DPP6: variants seen among roughly 807,000 people sequenced by gnomAD.
DPP6 encodes the protein A-type potassium channel modulatory protein DPP6.
Under a neutral mutation model 122.6 loss-of-function variants are expected in DPP6, and 69 were observed. The observed-to-expected ratio is 0.56, with a 90% CI of 0.46 to 0.69. The LOEUF is 0.69. DPP6 is among the 30% of genes least tolerant of loss of function. The pLI is 0.00. For missense variants in DPP6, 928 were observed against 1,116.9 expected (o/e 0.83, Z 2.41); for synonymous variants, 418 against 433.1 (o/e 0.97, Z 0.43).
At chr7:154,789,268 CT>C (rs1797528953) in intron 10 of DPP6, among the ~76,000 whole-genome samples, 1 of 152,050 alleles carries the variant, frequency 6.6e-6, no homozygotes, top group Non-Finnish European at 1.5e-5. Context: ...AAGAATTTTT[CT>C]TTGACATTCT....
intron 3 of DPP6, among the ~76,000 whole-genome samples, chr7:154,487,299 C>A (rs1310842540): frequency 6.6e-6 from 1 of 152,056 alleles, no homozygotes; most frequent in African/African-American, 2.4e-5. Flanking sequence ...GGTCATTATA[C>A]GGTTGTTTCC....
chr7:154,759,756 A>G (rs2131505974), intron 8 of DPP6, among the ~76,000 whole-genome samples: 1 of 152,324 alleles, frequency 6.6e-6, no homozygotes, highest in East Asian at 1.9e-4. Context: ...TCTCCAATCC[A>G]TGGGGTTGCA....
chr7:154,685,068 A>T (rs184661735), intron 7 of DPP6, among the ~76,000 whole-genome samples: 1 of 152,196 alleles, frequency 6.6e-6, no homozygotes, highest in Non-Finnish European at 1.5e-5. Context: ...AGAACATCTC[A>T]TTGTTACACA....
chr7:154,786,473 G>A (rs915179706), intron 10 of DPP6, among the ~76,000 whole-genome samples: 4 of 152,124 alleles, frequency 2.6e-5, no homozygotes, highest in African/African-American at 9.7e-5. Flanking sequence ...CTCCCATGCT[G>A]TTCTCTTGAT....
At chr7:154,778,230 C>A (rs1279639200) in intron 10 of DPP6, among the ~76,000 whole-genome samples, 2 of 152,098 alleles carry the variant, frequency 1.3e-5, no homozygotes, top group Non-Finnish European at 2.9e-5. Context: ...ATGTCTGTTT[C>A]TCCTATTTTC....
intron 1 of DPP6, among the ~76,000 whole-genome samples, chr7:154,099,582 G>C (rs980919440): frequency 6.6e-6 from 1 of 150,644 alleles, no homozygotes; most frequent in Non-Finnish European, 1.5e-5. Flanking sequence ...ACCACAGCCA[G>C]CTGGAGGAAG....
At position 154,560,991 on chromosome 7, in the gene DPP6, G is replaced by A. The variant is rs1408306836; in HGVS notation, c.553-5851G>A. Among the ~76,000 whole-genome samples, 4 of 151,916 alleles carry A rather than the reference G, an allele frequency of 2.6e-5. No homozygotes were observed. The East Asian group carries it at 7.7e-4, about 29-fold the overall frequency. ...AATATTAGATAAAATAGACAACAAG[G>A]AATATTACCAGAAATAAGAAGAAAT... On this transcript the variant is annotated intron_variant, in intron 4 of 25. Transcript: ENST00000377770.
At chr7:154,459,225 T>C (rs1336043947) in intron 2 of DPP6, among the ~76,000 whole-genome samples, 1 of 151,726 alleles carries the variant, frequency 6.6e-6, no homozygotes, top group East Asian at 1.9e-4. Flanking sequence ...AAGTAACCCC[T>C]TACAATGTGT....
At chr7:154,575,450 A>ATGTGTGTGTGGTATGTGTGTG (rs1831561437) in intron 5 of DPP6, among the ~76,000 whole-genome samples, 1 of 52,908 alleles carries the variant, frequency 1.9e-5, no homozygotes, top group African/African-American at 8.4e-5. Context: ...TGGTGTGTGT[A>ATGTGTGTGTGGTATGTGTGTG]TGTGTGTGNG....
Position 154,725,874 on chromosome 7 carries a change from A to T in DPP6, c.763-1893A>T, listed in dbSNP as rs1224546191. On this transcript the variant is annotated intron_variant, in intron 7 of 25. Transcript: ENST00000377770. ...TCCAAAATACAATGGGGACACAGGC[A>T]TTGGGTAAATACTCCCATTCCAAAT... Among the ~76,000 whole-genome samples, 6 of 152,220 alleles carry T rather than the reference A, an allele frequency of 3.9e-5. No individual in the cohort carries two copies. The East Asian group carries it at 1.2e-3, about 29-fold the overall frequency.
chr7:154,017,909 GA>G (rs1411131567), intron 1 of DPP6, among the ~76,000 whole-genome samples: 9 of 152,038 alleles, frequency 5.9e-5, no homozygotes, highest in Non-Finnish European at 1.2e-4. Flanking sequence ...TAAATACAAA[GA>G]GAGTCATAAA....
intron 1 of DPP6, among the ~76,000 whole-genome samples, chr7:154,063,218 C>CAT (rs1802300669): frequency 8.2e-6 from 1 of 122,254 alleles, no homozygotes; most frequent in Non-Finnish European, 1.7e-5. Flanking sequence ...CACCCCCCCG[C>CAT]GAGGCAGGGA....
chr7:154,776,655 A>G (rs1048538000), intron 10 of DPP6, among the ~76,000 whole-genome samples: 2 of 152,144 alleles, frequency 1.3e-5, no homozygotes, highest in African/African-American at 2.4e-5. Context: ...ATTGACTTCA[A>G]ATTTAGCCGG....
intron 9 of DPP6, among the ~76,000 whole-genome samples, chr7:154,769,951 G>C (rs138231206): frequency 2.6e-3 from 395 of 152,164 alleles, no homozygotes; most frequent in African/African-American, 8.9e-3. Flanking sequence ...TGGTCCCCTG[G>C]GTCTGGGCAA....
At chr7:154,161,108 G>A (rs1000089253) in intron 1 of DPP6, among the ~76,000 whole-genome samples, 3 of 152,196 alleles carry the variant, frequency 2.0e-5, no homozygotes, top group African/African-American at 7.2e-5. Flanking sequence ...TTATATAATA[G>A]ATATATCCAA....
chr7:154,149,101 A>G lies in DPP6; in HGVS notation c.243+96038A>G, dbSNP rs142684419. Among the ~76,000 whole-genome samples, 58 of 152,288 alleles carry G rather than the reference A, an allele frequency of 3.8e-4. No homozygotes were observed. The East Asian group carries it at 0.01, about 27-fold the overall frequency. ...GTCCAAAGGGAGCTTCATCCCTCCGATGGCCATTCCCCTGCAGTCCGTGAA... is the reference window on the plus strand; with the variant it reads ...GTCCAAAGGGAGCTTCATCCCTCCGGTGGCCATTCCCCTGCAGTCCGTGAA... On this transcript the variant is annotated intron_variant, in intron 1 of 25. Transcript: ENST00000377770.
At chr7:154,733,340 C>G (rs1464751093) in intron 8 of DPP6, among the ~76,000 whole-genome samples, 1 of 152,258 alleles carries the variant, frequency 6.6e-6, no homozygotes, top group African/African-American at 2.4e-5. Context: ...CTAGGGCCCT[C>G]AGTCCTGCTG....
chr7:154,100,996 C>T (rs569355760), intron 1 of DPP6, among the ~76,000 whole-genome samples: 12 of 134,434 alleles, frequency 8.9e-5, no homozygotes, highest in South Asian at 2.8e-4. Flanking sequence ...GTCCTGCCAA[C>T]GGTGCCCCTG....
the DPP6 span, among the ~76,000 whole-genome samples, chr7:153,820,119 G>A: frequency 6.6e-6 from 1 of 152,152 alleles, no homozygotes; most frequent in Non-Finnish European, 1.5e-5. Flanking sequence ...CCCAAGGAAG[G>A]AGAATCTCCT....
Sources: allele counts gnomAD v4.1 joint callset (sites outside exome capture counted in the v4.1 genomes callset), GRCh38; gene constraint gnomAD v4.1.1; transcripts MANE v1.5; gene names NCBI Gene and HGNC (gene_info 2026-07-23, HGNC 2026-07-21).